The following RASL12 variants were observed in gnomAD, a reference collection of about 807,000 sequenced individuals.
RASL12 encodes ras-like protein family member 12.
RASL12 carries 16 observed loss-of-function variants against 22.9 expected under a neutral mutation model. The ratio of observed to expected loss-of-function variants is 0.70; its 90% CI spans 0.47 to 1.06. RASL12 has a LOEUF of 1.06. RASL12 is among the 50% of genes least tolerant of loss of function. The probability of loss-of-function intolerance (pLI) is 0.00; values close to 1 mark genes in which losing one functional copy is unlikely to be tolerated. For missense variants in RASL12, 306 were observed against 353.1 expected, an observed-to-expected ratio of 0.87 and a Z score of 1.07; for synonymous variants, 159 against 152.2, an observed-to-expected ratio of 1.04 and a Z score of -0.33.
intron 1 of RASL12, among the ~76,000 whole-genome samples, chr15:65,067,098 C>G (rs1372871102): frequency 2.0e-5 from 3 of 151,958 alleles, no homozygotes; most frequent in Non-Finnish European, 2.9e-5. Context: ...ACAACTTGTC[C>G]CAGAATCCCA....
intron 1 of RASL12, among the ~76,000 whole-genome samples, chr15:65,067,532 C>A (rs995163102): frequency 6.6e-6 from 1 of 152,118 alleles, no homozygotes; most frequent in African/African-American, 2.4e-5. Context: ...GATGGTGGAG[C>A]TGAGCACAAA....
Position 65,075,108 on chromosome 15 carries a change from C to T in RASL12, c.70+1421G>A, listed in dbSNP as rs556284255. On this transcript the variant is annotated intron_variant, in intron 1 of 4. Transcript: ENST00000434605. Reference sequence around the variant, plus strand: ...AGGTGGGCGTGGGCTTGGCGGGCCCCGCACTCGGAGCAGTCAGCCAGCCCT... The same window carrying T: ...AGGTGGGCGTGGGCTTGGCGGGCCCTGCACTCGGAGCAGTCAGCCAGCCCT... 4.6e-5 allele frequency among the ~76,000 whole-genome samples: 7 copies of T among 152,356 alleles called. No individual in the cohort carries two copies. In the East Asian group the frequency reaches 7.7e-4, roughly 17 times the overall value.
chr15:65,063,349 T>C (rs1260439400), intron 2 of RASL12, among the ~76,000 whole-genome samples: 3 of 152,222 alleles, frequency 2.0e-5, no homozygotes, highest in African/African-American at 7.2e-5. Flanking sequence ...GTGCCTTTCC[T>C]TCCTGTCCTC....
chr15:65,054,832 G>T lies in RASL12; in HGVS notation c.*67C>A. 6.5e-7 allele frequency: 1 copy of T among 1,537,326 alleles called. No individual in the cohort carries two copies. Among genetic ancestry groups the T allele is most frequent in the Non-Finnish European group, 8.8e-7 (1 of 1,142,856 alleles). ...CATCAGACGGAAAGGCTGGTGGTGA[G>T]AAGCCAGTCCCTGTCCTGCTGCAGT... On this transcript the variant is annotated 3_prime_UTR_variant, in exon 5 of 5. Transcript: ENST00000220062.
At chr15:65,067,523 A>G (rs1330797215) in intron 1 of RASL12, among the ~76,000 whole-genome samples, 2 of 152,144 alleles carry the variant, frequency 1.3e-5, no homozygotes, top group East Asian at 3.9e-4. Context: ...GAAGACAGAG[A>G]TGGTGGAGCT....
upstream of RASL12, among the ~76,000 whole-genome samples, chr15:65,071,043 A>C (rs916134283): frequency 6.6e-6 from 1 of 152,190 alleles, no homozygotes; most frequent in Non-Finnish European, 1.5e-5. Flanking sequence ...ATCTATGTGC[A>C]TAAGTGGCAA....
Position 65,054,211 on chromosome 15 carries a change from T to G in RASL12, c.*688A>C, listed in dbSNP as rs770823283. The stretch of plus-strand genomic sequence containing the variant: ...TGGGAAAACACATGGAGAATCTGTC[T>G]GCTGGTGAAAGAACTCTGGGGCTCC... On this transcript the variant is annotated 3_prime_UTR_variant, in exon 5 of 5. Transcript: ENST00000220062. The G allele has an allele frequency of 5.1e-6, 5 of 985,958 alleles. No homozygotes were observed. Among genetic ancestry groups the G allele is most frequent in the Non-Finnish European group, 6.0e-6 (5 of 829,994 alleles). 61.1% of individuals were successfully genotyped at this position (985,958 alleles called of 1,614,324 possible). A position where few individuals can be genotyped will look rare whatever the true frequency, so the allele number is the denominator to read the frequency against.
At chr15:65,069,617 G>A (rs1358546525), upstream of RASL12, among the ~76,000 whole-genome samples, 5 of 152,194 alleles carry the variant, frequency 3.3e-5, no homozygotes, top group Admixed American at 3.3e-4. Context: ...GACCAACCAG[G>A]AGATGGGAGC....
At chr15:65,047,617 G>GGCACTCTTA in the RASL12 span, among the ~76,000 whole-genome samples, 1 of 152,114 alleles carries the variant, frequency 6.6e-6, no homozygotes, top group Non-Finnish European at 1.5e-5. Flanking sequence ...AATCAATCCA[G>GGCACTCTTA]GCACTCTTAC....
In RASL12 at chr15:65,054,661, T is replaced by C; in HGVS notation, c.*238A>G. On this transcript the variant is annotated 3_prime_UTR_variant, in exon 5 of 5. Transcript: ENST00000220062. ...GGTCTCTGGGTTGTCACAGTGGCTG[T>C]TTCCCTCTACGGCCACAGACGCGGT... The C allele has an allele frequency of 2.2e-6, 3 of 1,375,698 alleles. No homozygotes were observed. Among genetic ancestry groups the C allele is most frequent in the Non-Finnish European group, 2.8e-6 (3 of 1,065,126 alleles). 85.2% of individuals were successfully genotyped at this position (1,375,698 alleles called of 1,614,324 possible). A position where few individuals can be genotyped will look rare whatever the true frequency, so the allele number is the denominator to read the frequency against.
downstream of RASL12, chr15:65,051,383 T>G (rs1481963340): frequency 2.2e-5 from 17 of 787,626 alleles, no homozygotes; most frequent in Non-Finnish European, 3.6e-5. Flanking sequence ...AAGGGGCCCA[T>G]CTTTGATTAG....
chr15:65,059,562 C>T, intron 2 of RASL12, 144 bp from the exon 3 acceptor site: 1 of 665,918 alleles, frequency 1.5e-6, no homozygotes, highest in Non-Finnish European at 2.7e-6. Context: ...TTGGTTCTCA[C>T]CCACATGGAG....
At chr15:65,066,297 A>T (rs2086878918) in intron 1 of RASL12, among the ~76,000 whole-genome samples, 1 of 152,138 alleles carries the variant, frequency 6.6e-6, no homozygotes, top group East Asian at 1.9e-4. Flanking sequence ...GATGCCTGTA[A>T]TTCCAGTGCT....
rs1187746195 is a variant in RASL12, at chr15:65,054,875, C to T, written c.*24G>A. 2 of 1,595,026 alleles carry T rather than the reference C, an allele frequency of 1.3e-6. No homozygotes were observed. The highest frequency in any genetic ancestry group is 2.2e-5 in the South Asian group (2 of 88,922). On this transcript the variant is annotated 3_prime_UTR_variant, in exon 5 of 5. Transcript: ENST00000220062. ...GCTGCAGTCCTGTCCAGCCACCGAG[C>T]CTAGGCTTCCTGGGGAGGGGGCCTC...
At chr15:65,061,064 T>TA (rs1196277055) in intron 2 of RASL12, among the ~76,000 whole-genome samples, 1 of 152,252 alleles carries the variant, frequency 6.6e-6, no homozygotes, top group Non-Finnish European at 1.5e-5. Flanking sequence ...GCACCCCTTT[T>TA]AGGAGTTCCC....
chr15:65,056,310 G>A (rs971632367), intron 4 of RASL12, among the ~76,000 whole-genome samples: 44 of 152,284 alleles, frequency 2.9e-4, no homozygotes, highest in African/African-American at 1.0e-3. Context: ...GCAGGAGCAG[G>A]GGCTGAGAGT....
At chr15:65,064,659 C>T (rs956295748) in intron 2 of RASL12, among the ~76,000 whole-genome samples, 2 of 151,792 alleles carry the variant, frequency 1.3e-5, no homozygotes, top group African/African-American at 2.4e-5. Context: ...TGCAGTGGCA[C>T]GACCTTGGCT....
intron 1 of RASL12, among the ~76,000 whole-genome samples, chr15:65,066,026 AAGAGAAGAGAAGAGT>A (rs1296835894): frequency 4.4e-4 from 66 of 149,476 alleles, no homozygotes; most frequent in East Asian, 2.0e-3. Context: ...AAGAAAAGAG[AAGAGAAGAGAAGAGT>A]AGAGAAGAGA....
chr15:65,076,296 C>T (rs61447573), intron 1 of RASL12, among the ~76,000 whole-genome samples: 9 of 152,160 alleles, frequency 5.9e-5, no homozygotes, highest in African/African-American at 1.2e-4. Context: ...TAACACTCAC[C>T]GTGAAAGTCT....
Sources: allele counts gnomAD v4.1 joint callset (sites outside exome capture counted in the v4.1 genomes callset), GRCh38; gene constraint gnomAD v4.1.1; transcripts MANE v1.5; gene names NCBI Gene and HGNC (gene_info 2026-07-23, HGNC 2026-07-21).